The following CDH22 variants were observed in gnomAD, a reference collection of about 807,000 sequenced individuals.
CDH22 encodes cadherin 22, also known as cadherin-22.
CDH22 carries 30 observed loss-of-function variants against 58.4 expected under a neutral mutation model. The observed-to-expected ratio is 0.51, with a 90% CI of 0.38 to 0.70. The LOEUF is 0.70. Among genes scored for constraint, CDH22 ranks in the 30% least tolerant of loss-of-function variants. The pLI is 0.00. For missense variants in CDH22, 1,014 were observed against 1,233.9 expected, an observed-to-expected ratio of 0.82 and a Z score of 2.67; for synonymous variants, 513 against 558.2, an observed-to-expected ratio of 0.92 and a Z score of 1.14.
intron 11 of CDH22, 79 bp downstream of exon 11, chr20:46,177,867 G>C: frequency 6.5e-7 from 1 of 1,543,966 alleles, no homozygotes; most frequent in Non-Finnish European, 8.8e-7. Context: ...GAGGCCCCAT[G>C]GGGGCTGGTT....
At chr20:46,178,707 G>A (rs1404492436) in intron 10 of CDH22, among the ~76,000 whole-genome samples, 1 of 147,942 alleles carries the variant, frequency 6.8e-6, no homozygotes, top group Non-Finnish European at 1.5e-5. Flanking sequence ...GTTGTGGTTT[G>A]TTGGGCCCTG....
chr20:46,178,474 C>G (rs576233959), intron 10 of CDH22, among the ~76,000 whole-genome samples: 1 of 152,204 alleles, frequency 6.6e-6, no homozygotes, highest in East Asian at 1.9e-4. Context: ...CTCAAACCAT[C>G]CCAAGATTCT....
At chr20:46,237,315 G>GC (rs1207204390) in intron 3 of CDH22, among the ~76,000 whole-genome samples, 2 of 152,206 alleles carry the variant, frequency 1.3e-5, no homozygotes, top group South Asian at 2.1e-4. Flanking sequence ...CTCATCGGAG[G>GC]CCCCCCGGCA....
Position 46,210,299 on chromosome 20 carries a change from G to T in CDH22, c.1286+8C>A. ...GCAGCAGGCGTCGGCCCCGGGCGGG[G>T]GTCTCACCGGACGGGCCGGTTGGCG... is the stretch of plus-strand genomic sequence containing the variant. On this transcript the variant is annotated splice_region_variant and intron_variant, in intron 7 of 11. Coordinates refer to ENST00000537909, the MANE Select transcript of CDH22 (RefSeq NM_021248.3). This position sits in a 1 kb window ranked among gnomAD's most constrained non-coding sequence, Gnocchi z 4.5. 22 of 1,413,398 alleles carry T rather than the reference G, an allele frequency of 1.6e-5. No individual in the cohort carries two copies. The highest frequency in any genetic ancestry group is 2.0e-5 in the Non-Finnish European group (22 of 1,090,114). The allele number at this position is 1,413,398 out of a possible 1,614,324, so 87.6% of individuals were successfully genotyped here.
intron 4 of CDH22, 125 bp downstream of exon 4, chr20:46,227,383 C>T: frequency 2.2e-6 from 2 of 905,740 alleles, no homozygotes; most frequent in East Asian, 2.6e-5. Flanking sequence ...CACAAGGTGC[C>T]CCCTGTGCTG....
At position 46,199,465 on chromosome 20, in the gene CDH22, T is replaced by C. The variant is rs1349767646; in HGVS notation, c.1381A>G (p.Thr461Ala). 6.2e-7 allele frequency: 1 copy of C among 1,613,680 alleles called. No homozygotes were observed. Among genetic ancestry groups the C allele is most frequent in the South Asian group, 1.1e-5 (1 of 91,028 alleles). Reference protein sequence around the residue: ...IVTGKGLDRETAGWHNITVLA... With the variant: ...IVTGKGLDREAAGWHNITVLA... Reference sequence around the variant, plus strand: ...ACTGTGATGTTGTGCCAGCCGGCCGTCTCGCGGTCCAGCCCCTTGCCAGTC... The same window carrying C: ...ACTGTGATGTTGTGCCAGCCGGCCGCCTCGCGGTCCAGCCCCTTGCCAGTC... The change falls in exon 8 of 12, where the codon ACG (threonine) becomes GCG (alanine). Residue 461 changes from threonine to alanine, a missense_variant. Thr to Ala is a moderately conservative substitution (Grantham distance 58). Coordinates refer to ENST00000537909, the MANE Select transcript of CDH22 (RefSeq NM_021248.3).
chr20:46,218,833 G>T (rs529772507), intron 4 of CDH22, among the ~76,000 whole-genome samples: 9 of 152,238 alleles, frequency 5.9e-5, no homozygotes, highest in Admixed American at 2.0e-4. Flanking sequence ...ACAAGGGTAG[G>T]GCGGGGGAGT....
rs2059031859 is a variant in CDH22 at position 46,308,043 on chromosome 20, T to C, written c.-400+212A>G. On this transcript the variant is annotated intron_variant, in intron 1 of 11. Coordinates refer to ENST00000537909, the MANE Select transcript of CDH22 (RefSeq NM_021248.3). This position sits in a 1 kb window ranked among gnomAD's most constrained non-coding sequence, Gnocchi z 4.3. Reference sequence around the variant, plus strand: ...GCTCGGCTCCGCGCCGGGGAAAGTTTGGACGTGGGAAACTCCCTCCCCGCC... The same window carrying C: ...GCTCGGCTCCGCGCCGGGGAAAGTTCGGACGTGGGAAACTCCCTCCCCGCC... Among the ~76,000 whole-genome samples the C allele has an allele frequency of 6.6e-6, 1 of 151,532 alleles. No individual in the cohort carries two copies. Among genetic ancestry groups the C allele is most frequent in the Non-Finnish European group, 1.5e-5 (1 of 67,780 alleles).
intron 1 of CDH22, among the ~76,000 whole-genome samples, chr20:46,291,347 G>A (rs935467987): frequency 6.6e-6 from 1 of 152,092 alleles, no homozygotes; most frequent in African/African-American, 2.4e-5. Context: ...CACTTGCATC[G>A]CACTTACTCT....
At chr20:46,246,666 G>A (rs573659924) in intron 2 of CDH22, among the ~76,000 whole-genome samples, 16 of 152,254 alleles carry the variant, frequency 1.1e-4, no homozygotes, top group Non-Finnish European at 2.2e-4. Context: ...GGGGCCCAGC[G>A]GTTCCTGTGG....
rs759694984 is a variant in CDH22, at chr20:46,210,448, C to T, written c.1145G>A (p.Arg382His). The change falls in exon 7 of 12, where the codon CGC (arginine) becomes CAC (histidine). Residue 382 changes from arginine (R) to histidine (H), a missense_variant. Coordinates refer to ENST00000537909, the MANE Select transcript of CDH22 (RefSeq NM_021248.3). This position sits in a 1 kb window ranked among gnomAD's most constrained non-coding sequence, Gnocchi z 4.5. The stretch of plus-strand genomic sequence containing the variant: ...CTCGTCCACGTCGGTCACGGCCACG[C>T]GCACGATCGCCTGGTCGCGGAACGT... ...LGTFRDQAIV[R>H]VAVTDVDEPP... 3.5e-6 allele frequency: 5 copies of T among 1,440,304 alleles called. No individual in the cohort carries two copies. Among genetic ancestry groups the T allele is most frequent in the African/African-American group, 1.5e-5 (1 of 67,184 alleles). The allele number at this position is 1,440,304 out of a possible 1,614,324, so 89.2% of individuals were successfully genotyped here. A position where few individuals can be genotyped will look rare whatever the true frequency, so the allele number is the denominator to read the frequency against.
chr20:46,295,996 C>T (rs1283135645), intron 1 of CDH22, among the ~76,000 whole-genome samples: 1 of 152,202 alleles, frequency 6.6e-6, no homozygotes, highest in African/African-American at 2.4e-5. Context: ...CTCCTGGCCT[C>T]AAGTGATCCT....
chr20:46,290,812 T>C (rs961182972), intron 1 of CDH22, among the ~76,000 whole-genome samples: 3 of 151,904 alleles, frequency 2.0e-5, no homozygotes, highest in African/African-American at 7.3e-5. Flanking sequence ...GTAATAGTTT[T>C]GCAGAGTTGC....
intron 1 of CDH22, among the ~76,000 whole-genome samples, chr20:46,270,125 G>A (rs567359117): frequency 6.6e-6 from 1 of 152,258 alleles, no homozygotes; most frequent in African/African-American, 2.4e-5. Context: ...TTGGAGGAAG[G>A]GCTATTCAGA....
intron 7 of CDH22, among the ~76,000 whole-genome samples, chr20:46,199,970 T>A (rs112978018): frequency 9.3e-4 from 142 of 152,204 alleles, no homozygotes; most frequent in African/African-American, 3.1e-3. Context: ...TTATTTATTT[T>A]ATTTTATTTA....
At chr20:46,206,860 T>C (rs2086005323) in intron 7 of CDH22, among the ~76,000 whole-genome samples, 1 of 152,188 alleles carries the variant, frequency 6.6e-6, no homozygotes. Context: ...CACAACTCAA[T>C]GCGGAGTTGC....
chr20:46,237,623 C>A (rs966653532), intron 3 of CDH22, among the ~76,000 whole-genome samples: 1 of 152,146 alleles, frequency 6.6e-6, no homozygotes, highest in East Asian at 1.9e-4. Flanking sequence ...TGGTTCCCAG[C>A]TGGTTCAAAT....
At chr20:46,195,617 C>T (rs533134839) in intron 8 of CDH22, among the ~76,000 whole-genome samples, 1 of 143,438 alleles carries the variant, frequency 7.0e-6, no homozygotes, top group Non-Finnish European at 1.5e-5. Context: ...CCCCTAGACC[C>T]CCCCCCCACC....
At chr20:46,264,867 C>G (rs963895119) in intron 1 of CDH22, among the ~76,000 whole-genome samples, 1 of 148,068 alleles carries the variant, frequency 6.8e-6, no homozygotes, top group Non-Finnish European at 1.5e-5. Flanking sequence ...ACACACACAC[C>G]GTGCGCACAC....
Sources: allele counts gnomAD v4.1 joint callset (sites outside exome capture counted in the v4.1 genomes callset), GRCh38; gene constraint gnomAD v4.1.1; non-coding constraint Gnocchi (gnomAD v3.1); transcripts MANE v1.5; gene names NCBI Gene and HGNC (gene_info 2026-07-23, HGNC 2026-07-21).